Variants in HEATR4 observed in about 807,000 individuals in gnomAD.
The protein encoded by HEATR4 is HEAT repeat containing 4.
A neutral mutation model predicts 108.8 loss-of-function variants in HEATR4; 95 were observed. The ratio of observed to expected loss-of-function variants is 0.87; its 90% CI spans 0.74 to 1.04. The LOEUF (loss-of-function observed/expected upper bound fraction) is 1.04. HEATR4 is among the 50% of genes least tolerant of loss of function. The pLI, the probability that HEATR4 is intolerant of heterozygous loss-of-function variation, is 0.00. For missense variants in HEATR4, 1,152 were observed against 1,253.8 expected (o/e 0.92, Z 1.23); for synonymous variants, 443 against 459.4 (o/e 0.96, Z 0.46).
the HEATR4 span, among the ~76,000 whole-genome samples, chr14:73,607,562 C>T: frequency 2.0e-5 from 3 of 151,488 alleles, no homozygotes; most frequent in Admixed American, 1.3e-4. Flanking sequence ...CTCCTTGTTA[C>T]TTATGCAAGT....
intron 2 of HEATR4, chr14:73,528,904 G>A (rs1431233668): frequency 6.6e-6 from 1 of 152,220 alleles, no homozygotes; most frequent in Admixed American, 6.5e-5. Flanking sequence ...AGAGAAGGAA[G>A]AAAGGACTTA....
chr14:73,572,267 G>T, the HEATR4 span, among the ~76,000 whole-genome samples: 1 of 147,284 alleles, frequency 6.8e-6, no homozygotes, highest in Admixed American at 6.9e-5. Context: ...TTAATAAATT[G>T]AGGTATATTT....
intron 8 of HEATR4, among the ~76,000 whole-genome samples, chr14:73,508,751 C>CA (rs770608293): frequency 0.3 from 17,078 of 57,626 alleles, 2,956 homozygotes; most frequent in South Asian, 0.42. Context: ...AACTCTGTCT[C>CA]AAAAAAAAAA....
chr14:73,481,090 T>G (rs55704659), intron 17 of HEATR4, among the ~76,000 whole-genome samples: 1,533 of 152,258 alleles, frequency 0.01, 15 homozygotes, highest in Non-Finnish European at 0.015. Context: ...TTAATTATTT[T>G]AGTAGAGACA....
intron 1 of HEATR4, among the ~76,000 whole-genome samples, chr14:73,544,649 A>C (rs1321796580): frequency 8.7e-6 from 1 of 115,306 alleles, no homozygotes; most frequent in African/African-American, 2.8e-5. Context: ...ATTCAATAAC[A>C]ATTTAGGCTT....
chr14:73,629,268 A>T, the HEATR4 span, among the ~76,000 whole-genome samples: 2 of 152,228 alleles, frequency 1.3e-5, no homozygotes, highest in African/African-American at 4.8e-5. Flanking sequence ...TGCTATGGCA[A>T]CTTAATAGAC....
the HEATR4 span, among the ~76,000 whole-genome samples, chr14:73,620,975 G>A: frequency 2.0e-5 from 3 of 151,896 alleles, no homozygotes; most frequent in Non-Finnish European, 2.9e-5. Flanking sequence ...AGGCTAAGGC[G>A]TGTGGATCAC....
At chr14:73,612,618 A>G in the HEATR4 span, 1 of 1,418,182 alleles carries the variant, frequency 7.1e-7, no homozygotes, top group Non-Finnish European at 9.2e-7. Flanking sequence ...TGCTGCTGGG[A>G]CGAGCCGCTG....
At chr14:73,480,098 G>A (rs1366654959) in intron 17 of HEATR4, among the ~76,000 whole-genome samples, 1 of 152,138 alleles carries the variant, frequency 6.6e-6, no homozygotes, top group East Asian at 1.9e-4. Context: ...GTTATTACTA[G>A]TTAAGTAATA....
At chr14:73,491,724 C>T (rs1372318552) in intron 17 of HEATR4, 2 of 1,552,060 alleles carry the variant, frequency 1.3e-6, no homozygotes, top group East Asian at 2.4e-5. Flanking sequence ...CAGGACCACA[C>T]CTACTACCAG....
intron 17 of HEATR4, chr14:73,491,569 G>A: frequency 6.5e-7 from 1 of 1,541,312 alleles, no homozygotes; most frequent in Non-Finnish European, 8.7e-7. Flanking sequence ...GGGACTCCCC[G>A]CTGCGGCGCG....
At chr14:73,491,944 G>C (rs1345744180) in intron 17 of HEATR4, 5 of 1,613,730 alleles carry the variant, frequency 3.1e-6, no homozygotes, top group Non-Finnish European at 4.2e-6. Context: ...CTACTGTGTG[G>C]CAGTTTTTGG....
the HEATR4 span, chr14:73,617,123 C>G: frequency 1.2e-6 from 2 of 1,611,414 alleles, no homozygotes; most frequent in Non-Finnish European, 1.7e-6. Flanking sequence ...AAGACCTCCC[C>G]GAAGATCTGA....
the HEATR4 span, among the ~76,000 whole-genome samples, chr14:73,615,423 AC>A: frequency 7.0e-5 from 10 of 141,954 alleles, no homozygotes; most frequent in Non-Finnish European, 4.6e-5. Context: ...AACAAAAAAA[AC>A]CAGCAACAAC....
the HEATR4 span, chr14:73,633,727 C>T: frequency 6.6e-6 from 1 of 152,190 alleles, no homozygotes; most frequent in African/African-American, 2.4e-5. Context: ...CCTACCTCTT[C>T]CAGATGGTTC....
At chr14:73,490,506 A>G (rs1026955657) in intron 17 of HEATR4, among the ~76,000 whole-genome samples, 3 of 152,122 alleles carry the variant, frequency 2.0e-5, no homozygotes. Context: ...CTTTTTTAGT[A>G]GAGACGGGGT....
chr14:73,537,357 G>T, intron 1 of HEATR4: 2 of 1,188,802 alleles, frequency 1.7e-6, no homozygotes, highest in South Asian at 1.4e-5. Flanking sequence ...AGGAAGAGTT[G>T]GGCAGAGTTG....
In HEATR4 at chr14:73,492,597, C is replaced by T. The variant is rs1885848774; in HGVS notation, c.2844+469G>A. The T allele has an allele frequency of 6.2e-7, 1 of 1,613,730 alleles. No homozygotes were observed. Among genetic ancestry groups the T allele is most frequent in the Non-Finnish European group, 8.5e-7 (1 of 1,179,876 alleles). On this transcript the variant is annotated intron_variant, in intron 17 of 17. Transcript: ENST00000553558. This position sits in a 1 kb window ranked among gnomAD's most constrained non-coding sequence, Gnocchi z 4.9. ...AGGGCACTAAGTGTTTACGGGCTTCCAATTCGCTGGGAGGCTGGAGAACCT... is the reference window on the plus strand; with the variant it reads ...AGGGCACTAAGTGTTTACGGGCTTCTAATTCGCTGGGAGGCTGGAGAACCT...
the HEATR4 span, among the ~76,000 whole-genome samples, chr14:73,574,667 G>A: frequency 6.6e-6 from 1 of 152,028 alleles, no homozygotes; most frequent in Non-Finnish European, 1.5e-5. Flanking sequence ...CGAGATTAAG[G>A]AACTGAGAAA....
Sources: gnomAD v4.1 joint callset for allele counts (sites outside exome capture counted in the v4.1 genomes callset) on GRCh38, gnomAD v4.1.1 for gene constraint, Gnocchi (gnomAD v3.1) non-coding constraint, MANE v1.5 for transcripts, NCBI Gene and HGNC (gene_info 2026-07-23, HGNC 2026-07-21) for gene names.